The following EYS variants were observed in gnomAD, a reference collection of about 807,000 sequenced individuals.
EYS encodes the protein EGF-like photoreceptor maintenance factor, also known as protein eyes shut homolog.
A neutral mutation model predicts 282.1 loss-of-function variants in EYS; 250 were observed. The ratio of observed to expected loss-of-function variants is 0.89; its 90% CI spans 0.80 to 0.98. EYS has a LOEUF of 0.98. Among genes scored for constraint, EYS ranks in the 50% least tolerant of loss-of-function variants. The pLI is 0.00. For synonymous variants in EYS, 1,355 were observed against 1,282.9 expected (o/e 1.06, Z -1.20); for missense variants, 4,016 against 3,709.0 (o/e 1.08, Z -2.15).
intron 29 of EYS, among the ~76,000 whole-genome samples, chr6:64,371,336 T>TG (rs397765706): frequency 1.3e-5 from 2 of 151,292 alleles, no homozygotes; most frequent in African/African-American, 4.8e-5. Context: ...TTTTTTTTTT[T>TG]GCATTGGTTT....
chr6:65,129,049 A>T (rs1036388064), intron 12 of EYS, among the ~76,000 whole-genome samples: 24 of 152,060 alleles, frequency 1.6e-4, no homozygotes, highest in Admixed American at 1.6e-3. Flanking sequence ...TTACAAAAAT[A>T]ATCAATGAGG....
At chr6:64,339,038 G>C (rs1230683673) in intron 29 of EYS, among the ~76,000 whole-genome samples, 3 of 151,944 alleles carry the variant, frequency 2.0e-5, no homozygotes, top group Non-Finnish European at 4.4e-5. Flanking sequence ...AATTCTAGAA[G>C]ATAACATTGG....
intron 5 of EYS, among the ~76,000 whole-genome samples, chr6:65,435,656 A>G (rs1053070883): frequency 3.3e-5 from 5 of 152,146 alleles, no homozygotes; most frequent in African/African-American, 1.2e-4. Context: ...ACCTTAATAG[A>G]AATATTTTCA....
At chr6:63,945,790 T>A (rs1765378078) in intron 35 of EYS, among the ~76,000 whole-genome samples, 2 of 152,318 alleles carry the variant, frequency 1.3e-5, no homozygotes, top group South Asian at 4.1e-4. Context: ...TCAAAGTATT[T>A]ACCTGATCTA....
chr6:64,225,807 T>C (rs1283357676), intron 31 of EYS, among the ~76,000 whole-genome samples: 3 of 152,120 alleles, frequency 2.0e-5, no homozygotes, highest in African/African-American at 7.2e-5. Context: ...AAACCTCCAG[T>C]CTACCTCTGA....
chr6:64,323,128 A>G lies in EYS; in HGVS notation c.6079-16046T>C, dbSNP rs546048524. On this transcript the variant is annotated intron_variant, in intron 29 of 42. Coordinates refer to ENST00000503581, the MANE Select transcript of EYS (RefSeq NM_001142800.2). The stretch of plus-strand genomic sequence containing the variant: ...TTTAATATGTTCACAGAGTTATTCA[A>G]CCATTACTACAATTAATTTTAGAAT... Among the ~76,000 whole-genome samples the G allele has an allele frequency of 5.4e-5, 7 of 128,532 alleles. No homozygotes were observed. The South Asian group carries it at 1.9e-3, about 36-fold the overall frequency. The allele number at this position is 128,532 out of a possible 152,430, so 84.3% of individuals were successfully genotyped here. A position where few individuals can be genotyped will look rare whatever the true frequency, so the allele number is the denominator to read the frequency against.
At chr6:65,416,651 C>A (rs1297168661) in intron 5 of EYS, among the ~76,000 whole-genome samples, 1 of 151,938 alleles carries the variant, frequency 6.6e-6, no homozygotes, top group Non-Finnish European at 1.5e-5. Context: ...TCAGTAAATT[C>A]TTTTGGTCAG....
chr6:65,364,696 T>C lies in EYS; in HGVS notation c.1300-11079A>G, dbSNP rs1764846400. Among the ~76,000 whole-genome samples the C allele has an allele frequency of 4.6e-5, 7 of 151,654 alleles. No homozygotes were observed. In the South Asian group the frequency reaches 1.5e-3, roughly 31 times the overall value. ...TCTCCTGGGTTAATTTGGGTACTTT[T>C]AAAGTTCAGCTCCTTCTCCCCGGAT... On this transcript the variant is annotated intron_variant, in intron 8 of 42. Transcript: ENST00000503581.
intron 22 of EYS, among the ~76,000 whole-genome samples, chr6:64,673,213 C>T (rs866392741): frequency 6.6e-6 from 1 of 151,946 alleles, no homozygotes; most frequent in Non-Finnish European, 1.5e-5. Flanking sequence ...CTTTTAGAAT[C>T]TTCTCACTCC....
rs60121734 is a variant in EYS, at chr6:64,246,018, C to CAAAAAAAA, written c.6192-15202_6192-15195dup. ...TGGGCGACAGAGCGAAACTCCGTCT[C>CAAAAAAAA]AAAAAAAAAAAAAAAAAAAAAAAAA... On this transcript the variant is annotated intron_variant, in intron 30 of 42. Coordinates refer to ENST00000503581, the MANE Select transcript of EYS (RefSeq NM_001142800.2). Among the ~76,000 whole-genome samples, 297 of 56,224 alleles carry CAAAAAAAA rather than the reference C, an allele frequency of 5.3e-3. 14 individuals are homozygous for CAAAAAAAA. Among genetic ancestry groups the CAAAAAAAA allele is most frequent in the East Asian group, 0.019 (26 of 1,362 alleles). 36.9% of individuals were successfully genotyped at this position (56,224 alleles called of 152,430 possible).
At chr6:64,626,502 T>A (rs997639770) in intron 22 of EYS, among the ~76,000 whole-genome samples, 3 of 151,988 alleles carry the variant, frequency 2.0e-5, no homozygotes, top group African/African-American at 7.3e-5. Flanking sequence ...TGAGATGAGG[T>A]CATTCTGGAT....
intron 26 of EYS, among the ~76,000 whole-genome samples, chr6:64,462,723 T>G (rs1582785283): frequency 6.6e-6 from 1 of 152,212 alleles, no homozygotes; most frequent in East Asian, 1.9e-4. Flanking sequence ...TTTTTTCTCC[T>G]CCTGTCTTAT....
rs930361812 is a variant in EYS at position 65,495,200 on chromosome 6, T to A, written c.211A>T (p.Asn71Tyr). The A allele has an allele frequency of 1.2e-6, 2 of 1,614,074 alleles. No individual in the cohort carries two copies. The highest frequency in any genetic ancestry group is 2.7e-5 in the African/African-American group (2 of 74,936). The change falls in exon 4 of 43, where the codon AAT (asparagine) becomes TAT (tyrosine). Residue 71 changes from asparagine to tyrosine, a missense_variant. Physicochemically the swap from Asn to Tyr is moderately radical, Grantham distance 143. Transcript: ENST00000503581. ...GVNTKIDTSG[N>Y]QAVPQICPLQ... ...GGGCAAATCTGGGGAACAGCTTGAT[T>A]GCCTGAAGTATCTATTTTAGTGTTT...
chr6:63,796,602 A>C (rs1770650695), intron 37 of EYS, among the ~76,000 whole-genome samples: 1 of 152,178 alleles, frequency 6.6e-6, no homozygotes, highest in Admixed American at 6.5e-5. Context: ...AATATGGTAA[A>C]ATAGTATCAT....
chr6:64,130,867 T>G (rs775104496), intron 31 of EYS, among the ~76,000 whole-genome samples: 25 of 152,036 alleles, frequency 1.6e-4, no homozygotes, highest in Non-Finnish European at 4.4e-5. Context: ...CAGTGTGATT[T>G]ATTTATTTAT....
At chr6:63,879,905 T>G (rs1426537031) in intron 35 of EYS, among the ~76,000 whole-genome samples, 1 of 152,208 alleles carries the variant, frequency 6.6e-6, no homozygotes, top group South Asian at 2.1e-4. Context: ...CACCTTCTAT[T>G]TGAAGTCATA....
chr6:65,627,513 A>T (rs1464407207), intron 2 of EYS, among the ~76,000 whole-genome samples: 14 of 152,094 alleles, frequency 9.2e-5, no homozygotes, highest in Non-Finnish European at 7.4e-5. Flanking sequence ...CTCAGCTTGC[A>T]GGGAGGTGTG....
At chr6:63,740,053 C>G (rs1769034116) in intron 41 of EYS, among the ~76,000 whole-genome samples, 1 of 152,080 alleles carries the variant, frequency 6.6e-6, no homozygotes, top group Non-Finnish European at 1.5e-5. Context: ...ATATTCAGCA[C>G]TTTTGGAACC....
intron 26 of EYS, among the ~76,000 whole-genome samples, chr6:64,469,539 A>G (rs111891209): frequency 0.042 from 6,357 of 152,192 alleles, 325 homozygotes; most frequent in African/African-American, 0.11. Context: ...ACCAGAAGAC[A>G]AGAGTGCGAG....
Sources: gnomAD v4.1 joint callset for allele counts (sites outside exome capture counted in the v4.1 genomes callset) on GRCh38, gnomAD v4.1.1 for gene constraint, MANE v1.5 for transcripts, NCBI Gene and HGNC (gene_info 2026-07-23, HGNC 2026-07-21) for gene names.